The following MYO1F variants were observed in gnomAD, a reference collection of about 807,000 sequenced individuals.
MYO1F encodes the protein unconventional myosin-If.
Under a neutral mutation model 146.6 loss-of-function variants are expected in MYO1F, and 60 were observed. The observed-to-expected ratio is 0.41, with a 90% CI of 0.33 to 0.51. MYO1F has a LOEUF of 0.51. Ranked by LOEUF, MYO1F falls within the 20% of genes least tolerant of loss-of-function variation. The pLI is 0.25. For missense variants in MYO1F, 1,274 were observed against 1,534.3 expected (o/e 0.83, Z 2.83); for synonymous variants, 602 against 602.1 (o/e 1.00, Z 0.00).
chr19:8,567,828 T>A (rs1600055502), intron 1 of MYO1F, among the ~76,000 whole-genome samples: 1 of 152,118 alleles, frequency 6.6e-6, no homozygotes, highest in African/African-American at 2.4e-5. Context: ...TGAGGATGGG[T>A]TGGGGAGAAG....
In MYO1F at chr19:8,536,410, G is replaced by C; in HGVS notation, c.1899-14C>G. 6.2e-7 allele frequency: 1 copy of C among 1,607,664 alleles called. No homozygotes were observed. The highest frequency in any genetic ancestry group is 8.5e-7 in the Non-Finnish European group (1 of 1,179,504). On this transcript the variant is annotated splice_polypyrimidine_tract_variant and intron_variant, in intron 18 of 27. Transcript: ENST00000644032. ...AGAATGGCATACCTGAGGGCGGAGG[G>C]CTGGGGTGTGGGAGTGCTCATAGCA...
chr19:8,577,398 G>T lies in MYO1F; in HGVS notation c.-89C>A. 1 of 1,440,224 alleles carries T rather than the reference G, an allele frequency of 6.9e-7. No individual in the cohort carries two copies. The highest frequency in any genetic ancestry group is 9.7e-7 in the Non-Finnish European group (1 of 1,026,572). The allele number at this position is 1,440,224 out of a possible 1,614,324, so 89.2% of individuals were successfully genotyped here. On this transcript the variant is annotated 5_prime_UTR_variant, in exon 1 of 28. Coordinates refer to ENST00000644032, the MANE Select transcript of MYO1F (RefSeq NM_012335.4). The surrounding 1 kb of genome is among the most constrained non-coding windows in gnomAD (Gnocchi z 4.3). ...CAGGGGGATCTTGGGGGTGGCTTGG[G>T]CATGGCCCTGCTTCTGCCCGTTCAC...
intron 14 of MYO1F, among the ~76,000 whole-genome samples, chr19:8,543,566 G>A (rs1019579110): frequency 2.8e-4 from 43 of 152,078 alleles, no homozygotes; most frequent in Non-Finnish European, 2.9e-5. Flanking sequence ...TCTGTTAGGG[G>A]AGTTGATGTG....
At chr19:8,560,525 G>T (rs1459038643) in intron 1 of MYO1F, among the ~76,000 whole-genome samples, 7 of 150,424 alleles carry the variant, frequency 4.7e-5, no homozygotes, top group Non-Finnish European at 3.0e-5. Flanking sequence ...TCTTGCCTCT[G>T]TCTACACGCA....
intron 19 of MYO1F, among the ~76,000 whole-genome samples, chr19:8,533,033 T>A (rs2145844143): frequency 6.6e-6 from 1 of 151,944 alleles, no homozygotes. Flanking sequence ...CTAAGAGCCT[T>A]GCTCCCTGCT....
intron 9 of MYO1F, 38 bp from the exon 10 acceptor site, chr19:8,550,394 G>A (rs764990269): frequency 1.6e-5 from 26 of 1,594,154 alleles, no homozygotes; most frequent in Non-Finnish European, 2.2e-5. Context: ...TGGGACAGTT[G>A]GTTGGGCTCT....
At chr19:8,568,432 A>AAACAAAC (rs1555731032) in intron 1 of MYO1F, among the ~76,000 whole-genome samples, 12 of 148,166 alleles carry the variant, frequency 8.1e-5, no homozygotes, top group African/African-American at 2.5e-4. Flanking sequence ...CAAAAAAAAA[A>AAACAAAC]AAAAAAAAAA....
intron 25 of MYO1F, among the ~76,000 whole-genome samples, chr19:8,523,801 C>T (rs552789469): frequency 2.1e-4 from 32 of 152,200 alleles, no homozygotes; most frequent in Admixed American, 1.9e-3. Context: ...ACTATAGGCA[C>T]ACACCACCAT....
intron 14 of MYO1F, among the ~76,000 whole-genome samples, chr19:8,542,340 G>C (rs540386209): frequency 4.4e-5 from 6 of 137,674 alleles, no homozygotes; most frequent in Non-Finnish European, 7.9e-5. Context: ...ATTGGTGGGT[G>C]GGGGGCTGCA....
chr19:8,541,776 TG>T, intron 15 of MYO1F, 129 bp downstream of exon 15: 1 of 863,532 alleles, frequency 1.2e-6, no homozygotes, highest in Non-Finnish European at 1.9e-6. Context: ...AACACCATCC[TG>T]GCCGCACAGC....
At chr19:8,555,401 AAAAAAGAAC>A (rs1271204209) in intron 2 of MYO1F, 2 of 395,650 alleles carry the variant, frequency 5.1e-6, no homozygotes, top group Non-Finnish European at 9.2e-6. Context: ...AAAAAAAAAA[AAAAAAGAAC>A]AAACAGGGTT....
At chr19:8,575,761 C>T (rs1555733690) in intron 1 of MYO1F, among the ~76,000 whole-genome samples, 1 of 152,168 alleles carries the variant, frequency 6.6e-6, no homozygotes, top group African/African-American at 2.4e-5. Flanking sequence ...GGTGGCCCCT[C>T]CCAGACCTTG....
rs2303686 is a variant in MYO1F, at chr19:8,550,384, T to C, written c.905-28A>G. 143,789 of 1,598,202 alleles carry C rather than the reference T, an allele frequency of 0.09. 17,998 individuals carry two copies. Among genetic ancestry groups the C allele is most frequent in the African/African-American group, 0.57 (42,672 of 74,504 alleles). On this transcript the variant is annotated intron_variant, in intron 9 of 27. Coordinates refer to ENST00000644032, the MANE Select transcript of MYO1F (RefSeq NM_012335.4). Reference sequence around the variant, plus strand: ...ACCAGGGCAAAGGTCAGGGCAAAAATGGGACAGTTGGTTGGGCTCTTGTGC... The same window carrying C: ...ACCAGGGCAAAGGTCAGGGCAAAAACGGGACAGTTGGTTGGGCTCTTGTGC...
At chr19:8,575,780 G>A (rs544499784) in intron 1 of MYO1F, among the ~76,000 whole-genome samples, 147 of 152,232 alleles carry the variant, frequency 9.7e-4, no homozygotes, top group Admixed American at 1.8e-3. Flanking sequence ...TGTCTGCCAA[G>A]CCGACTGTTG....
At chr19:8,555,511 C>T (rs1295240550) in intron 2 of MYO1F, 148 bp downstream of exon 2, 2 of 1,089,908 alleles carry the variant, frequency 1.8e-6, no homozygotes, top group African/African-American at 3.1e-5. Flanking sequence ...CCAACCAGAG[C>T]CCTGCTGTCA....
At position 8,557,301 on chromosome 19, in the gene MYO1F, A is replaced by G. The variant is rs553155373; in HGVS notation, c.4-1505T>C. On this transcript the variant is annotated intron_variant, in intron 1 of 27. Coordinates refer to ENST00000644032, the MANE Select transcript of MYO1F (RefSeq NM_012335.4). ...AAAAAAACAAACAACCAAACAAACA[A>G]CAAAAAAAGTTTTGAGACAGGGTCT... is the stretch of plus-strand genomic sequence containing the variant. Among the ~76,000 whole-genome samples the G allele has an allele frequency of 1.2e-4, 18 of 152,060 alleles. 1 individual carries two copies. Among genetic ancestry groups the G allele is most frequent in the Admixed American group, 8.5e-4 (13 of 15,250 alleles).
Position 8,566,594 on chromosome 19 carries a change from ACCTCTGCCTCCCTGGCTCAAGCGATT to A in MYO1F, c.3+10687_3+10712del, listed in dbSNP as rs553112871. ...AGTGGCATGATCTTGGCTCACTGCA[ACCTCTGCCTCCCTGGCTCAAGCGATT>A]CTCCTGCCTCAGTTTCCCAAGTAGC... On this transcript the variant is annotated intron_variant, in intron 1 of 27. Transcript: ENST00000644032. Among the ~76,000 whole-genome samples the A allele has an allele frequency of 8.3e-3, 1,265 of 151,570 alleles. 19 individuals are homozygous for A. Among genetic ancestry groups the A allele is most frequent in the African/African-American group, 0.029 (1,201 of 41,342 alleles).
At chr19:8,536,652 G>A in intron 17 of MYO1F, 55 bp from the exon 18 acceptor site, 1 of 1,012,590 alleles carries the variant, frequency 9.9e-7, no homozygotes, top group Non-Finnish European at 1.5e-6. Context: ...CAGTCCTGGG[G>A]GTGGGTGGGA....
chr19:8,531,773 G>A (rs1392091993), intron 19 of MYO1F, among the ~76,000 whole-genome samples: 4 of 152,144 alleles, frequency 2.6e-5, no homozygotes, highest in Admixed American at 2.6e-4. Context: ...TGTCAGAGAT[G>A]GTAGAAATAG....
Sources: allele counts gnomAD v4.1 joint callset (sites outside exome capture counted in the v4.1 genomes callset), GRCh38; gene constraint gnomAD v4.1.1; non-coding constraint Gnocchi (gnomAD v3.1); transcripts MANE v1.5; gene names NCBI Gene and HGNC (gene_info 2026-07-23, HGNC 2026-07-21).